The following CSMD2 variants were observed in gnomAD, a reference collection of about 807,000 sequenced individuals.
The protein encoded by CSMD2 is CUB and sushi domain-containing protein 2.
A neutral mutation model predicts 398.5 loss-of-function variants in CSMD2; 130 were observed. That is an observed-to-expected ratio of 0.33 (90% CI 0.28 to 0.38). The LOEUF is 0.38. Ranked by LOEUF, CSMD2 falls within the 10% of genes least tolerant of loss-of-function variation. CSMD2 has a pLI of 1.00. For synonymous variants in CSMD2, 1,828 were observed against 1,908.5 expected (o/e 0.96, Z 1.10); for missense variants, 3,829 against 4,764.9 (o/e 0.80, Z 5.78).
Position 34,092,081 on chromosome 1 carries a change from G to A in CSMD2, c.188-2888C>T, listed in dbSNP as rs142587600. The stretch of plus-strand genomic sequence containing the variant: ...ATCAGTAACATTCCTATATGTCAAT[G>A]ACAGATAAAAATATAAAGAAAAAAG... On this transcript the variant is annotated intron_variant, in intron 1 of 70. Transcript: ENST00000373381. 6.2e-3 allele frequency among the ~76,000 whole-genome samples: 940 copies of A among 152,156 alleles called. 9 individuals carry two copies. Among genetic ancestry groups the A allele is most frequent in the African/African-American group, 0.022 (901 of 41,528 alleles).
intron 25 of CSMD2, among the ~76,000 whole-genome samples, chr1:33,688,551 A>G (rs1645131146): frequency 6.6e-6 from 1 of 151,944 alleles, no homozygotes; most frequent in Non-Finnish European, 1.5e-5. Flanking sequence ...CTGGCTGGGC[A>G]CAGTGGCTCA....
At position 33,724,201 on chromosome 1, in the gene CSMD2, G is replaced by T. The variant is rs1297530007; in HGVS notation, c.2997C>A (p.Gly999=). 6.2e-7 allele frequency: 1 copy of T among 1,607,878 alleles called. No individual in the cohort carries two copies. Among genetic ancestry groups the T allele is most frequent in the Non-Finnish European group, 8.5e-7 (1 of 1,174,438 alleles). The part of the protein sequence containing the change: ...NCTWIIETSH[G]KGVFFTFHTF... ...GCTATGGGCTGAAACACTCACCCTT[G>T]CCATGAGATGTTTCGATAATCCAGG... Residue 999 remains glycine, a synonymous_variant, in exon 19 of 71, where the codon GGC becomes GGA. Transcript: ENST00000373381.
Position 33,614,549 on chromosome 1 carries a change from T to C in CSMD2, c.6088A>G (p.Ser2030Gly). The C allele has an allele frequency of 6.2e-7, 1 of 1,613,236 alleles. No individual in the cohort carries two copies. Among genetic ancestry groups the C allele is most frequent in the South Asian group, 1.1e-5 (1 of 91,036 alleles). ...LSPGFPGNYP[S>G]NMDCSWKIAL... ...ATTTTCCAGGAGCAGTCCATGTTACTGGGGTAGTTGCCTGGGAAGCCGGGG... is the reference window on the plus strand; with the variant it reads ...ATTTTCCAGGAGCAGTCCATGTTACCGGGGTAGTTGCCTGGGAAGCCGGGG... Residue 2030 changes from serine (S) to glycine (G), a missense_variant, in exon 40 of 71, where the codon AGT becomes GGT. Ser to Gly is a moderately conservative substitution (Grantham distance 56, BLOSUM62 0). Around this residue, in one of 5 missense-constraint regions of CSMD2, gnomAD observed 2,001 missense variants for 2,567.1 expected, o/e 0.78. Coordinates refer to ENST00000373381, the MANE Select transcript of CSMD2 (RefSeq NM_001281956.2).
intron 3 of CSMD2, among the ~76,000 whole-genome samples, chr1:33,963,517 AT>A (rs1340268255): frequency 1.3e-5 from 2 of 152,196 alleles, no homozygotes; most frequent in Non-Finnish European, 2.9e-5. Flanking sequence ...GGTATCAATC[AT>A]TCCCGAGATT....
intron 13 of CSMD2, among the ~76,000 whole-genome samples, chr1:33,764,610 A>C (rs575431643): frequency 6.6e-6 from 1 of 152,334 alleles, no homozygotes; most frequent in African/African-American, 2.4e-5. Flanking sequence ...AGAAGTCTAG[A>C]GAAATGAGGG....
chr1:34,105,677 T>C (rs903406914), intron 1 of CSMD2, among the ~76,000 whole-genome samples: 10 of 152,198 alleles, frequency 6.6e-5, no homozygotes, highest in Admixed American at 6.5e-4. Flanking sequence ...GATTGAAATA[T>C]AGTTTTTAAA....
intron 19 of CSMD2, among the ~76,000 whole-genome samples, chr1:33,720,857 C>T (rs540816617): frequency 6.6e-6 from 1 of 152,112 alleles, no homozygotes; most frequent in East Asian, 1.9e-4. Flanking sequence ...GCCACCCCCG[C>T]CAAATAATTT....
rs371693727 is a variant in CSMD2, at chr1:33,950,054, T to A, written c.518-14100A>T. 2.0e-5 allele frequency among the ~76,000 whole-genome samples: 3 copies of A among 152,154 alleles called. No homozygotes were observed. In the East Asian group the frequency reaches 5.8e-4, roughly 29 times the overall value. On this transcript the variant is annotated intron_variant, in intron 3 of 70. Coordinates refer to ENST00000373381, the MANE Select transcript of CSMD2 (RefSeq NM_001281956.2). Reference sequence around the variant, plus strand: ...CTGGTCTCACACCCAGTCTCTTGAATTACCTTCCTTCCATCTCTCATATCT... The same window carrying A: ...CTGGTCTCACACCCAGTCTCTTGAAATACCTTCCTTCCATCTCTCATATCT...
chr1:33,802,529 A>G (rs1260249471), intron 10 of CSMD2, among the ~76,000 whole-genome samples: 1 of 152,164 alleles, frequency 6.6e-6, no homozygotes, highest in Admixed American at 6.5e-5. Context: ...TCCCTGGGAC[A>G]TTCCTAGCTC....
chr1:33,601,084 G>C (rs888132594), intron 43 of CSMD2, 74 bp from the exon 44 acceptor site: 1 of 1,587,062 alleles, frequency 6.3e-7, no homozygotes, highest in South Asian at 1.1e-5. Context: ...GCCATCAGTG[G>C]CCTTAAGACA....
chr1:33,592,180 C>T (rs946075439), intron 44 of CSMD2: 1 of 540,862 alleles, frequency 1.8e-6, no homozygotes. Context: ...AACTGAAGGG[C>T]CATCAGAAAC....
chr1:33,988,084 C>T (rs1646422067), intron 3 of CSMD2, among the ~76,000 whole-genome samples: 3 of 152,298 alleles, frequency 2.0e-5, no homozygotes, highest in South Asian at 2.1e-4. Context: ...CTGCTGAAGC[C>T]GTAACTCAGG....
intron 1 of CSMD2, among the ~76,000 whole-genome samples, chr1:34,123,605 G>A (rs143258298): frequency 2.6e-5 from 4 of 152,018 alleles, no homozygotes; most frequent in Admixed American, 6.6e-5. Flanking sequence ...TGTCTGAAGC[G>A]GGGGGGAGTC....
At chr1:33,842,504 C>G (rs987953) in intron 6 of CSMD2, among the ~76,000 whole-genome samples, 117,016 of 151,982 alleles carry the variant, frequency 0.77, 45,584 homozygotes, top group East Asian at 0.94. Flanking sequence ...TGCTCGCTAC[C>G]TATCCTGCTT....
At chr1:33,900,045 G>C (rs1029307682) in intron 5 of CSMD2, among the ~76,000 whole-genome samples, 1 of 152,188 alleles carries the variant, frequency 6.6e-6, no homozygotes, top group African/African-American at 2.4e-5. Flanking sequence ...GGGAGGCTCT[G>C]GGAGCAGGGT....
chr1:33,997,315 T>C (rs1052922096), intron 3 of CSMD2, among the ~76,000 whole-genome samples: 1 of 152,222 alleles, frequency 6.6e-6, no homozygotes, highest in Non-Finnish European at 1.5e-5. Context: ...TGTCCAAATA[T>C]GATTCTCAGT....
intron 7 of CSMD2, 115 bp from the exon 8 acceptor site, chr1:33,820,671 T>C (rs1658035238): frequency 2.8e-6 from 2 of 712,420 alleles, no homozygotes; most frequent in Non-Finnish European, 4.8e-6. Flanking sequence ...AGAGACAGAA[T>C]GAGGCCCTGC....
chr1:33,908,283 G>A (rs1254009681), intron 5 of CSMD2, among the ~76,000 whole-genome samples: 1 of 152,162 alleles, frequency 6.6e-6, no homozygotes, highest in Non-Finnish European at 1.5e-5. Flanking sequence ...TGAAAACAGA[G>A]ACCAGGAGGG....
intron 55 of CSMD2, among the ~76,000 whole-genome samples, chr1:33,556,904 T>C (rs1446536631): frequency 1.3e-5 from 2 of 152,202 alleles, no homozygotes; most frequent in African/African-American, 4.8e-5. Flanking sequence ...GATTGTAAGT[T>C]TCCTGAGGCC....
Sources: gnomAD v4.1 joint callset for allele counts (sites outside exome capture counted in the v4.1 genomes callset) on GRCh38, gnomAD v4.1.1 for gene constraint, gnomAD v4.1.1 regional missense constraint, MANE v1.5 for transcripts, NCBI Gene and HGNC (gene_info 2026-07-23, HGNC 2026-07-21) for gene names.